TTC3: variants seen among roughly 807,000 people sequenced by gnomAD.
The protein encoded by TTC3 is E3 ubiquitin-protein ligase TTC3.
A neutral mutation model predicts 249.6 loss-of-function variants in TTC3; 180 were observed. The observed-to-expected ratio is 0.72, with a 90% CI of 0.64 to 0.82. The LOEUF (loss-of-function observed/expected upper bound fraction) is 0.82, where lower values mean the gene tolerates loss of function less well. TTC3 is among the 40% of genes least tolerant of loss of function. TTC3 has a pLI of 0.00. For synonymous variants in TTC3, 717 were observed against 805.0 expected (o/e 0.89, Z 1.85); for missense variants, 2,061 against 2,398.4 (o/e 0.86, Z 2.94).
At chr21:37,102,736 C>T (rs895561972) in intron 10 of TTC3, among the ~76,000 whole-genome samples, 2 of 152,304 alleles carry the variant, frequency 1.3e-5, no homozygotes, top group Admixed American at 1.3e-4. Flanking sequence ...GTGGCTCGTG[C>T]CTGTAATCCC....
intron 38 of TTC3, chr21:37,188,198 C>G (rs1010546587): frequency 2.4e-5 from 6 of 254,096 alleles, no homozygotes; most frequent in Non-Finnish European, 4.7e-5. Flanking sequence ...CACTCGTGTA[C>G]ACATGCAGTT....
chr21:37,166,407 A>T, exon 33 of TTC3: 1 of 1,614,226 alleles, frequency 6.2e-7, no homozygotes, highest in Non-Finnish European at 8.5e-7. Flanking sequence ...GTTGCTGGTC[A>T]CCAGATTGCC....
intron 1 of TTC3, among the ~76,000 whole-genome samples, chr21:37,076,328 C>T (rs2070854265): frequency 6.6e-6 from 1 of 152,104 alleles, no homozygotes; most frequent in Non-Finnish European, 1.5e-5. Flanking sequence ...TGTATGCATT[C>T]TTCTGTTAAT....
intron 10 of TTC3, among the ~76,000 whole-genome samples, chr21:37,105,024 T>A (rs907547184): frequency 6.6e-6 from 1 of 152,160 alleles, no homozygotes; most frequent in Non-Finnish European, 1.5e-5. Context: ...CCCAGGAGAT[T>A]ATTAAGATGT....
intron 11 of TTC3, among the ~76,000 whole-genome samples, chr21:37,109,930 T>C (rs1413374567): frequency 6.6e-6 from 1 of 152,212 alleles, no homozygotes; most frequent in Non-Finnish European, 1.5e-5. Context: ...CAGCCACTGC[T>C]GCTGATACCC....
chr21:37,073,610 C>A, intron 1 of TTC3, 137 bp downstream of exon 1: 1 of 591,048 alleles, frequency 1.7e-6, no homozygotes, highest in Non-Finnish European at 2.1e-6. Context: ...TGGTCTGGTG[C>A]CCCTTCGCGA....
chr21:37,124,168 T>G (rs971990507), intron 13 of TTC3, among the ~76,000 whole-genome samples: 2 of 125,094 alleles, frequency 1.6e-5, no homozygotes, highest in Admixed American at 1.0e-4. Flanking sequence ...TAGGCTGGAG[T>G]GCAGTGGCAC....
exon 35 of TTC3, chr21:37,172,646 C>G: frequency 1.2e-6 from 2 of 1,613,936 alleles, no homozygotes; most frequent in Non-Finnish European, 1.7e-6. Context: ...AGACCAACTT[C>G]AAGAAGTGTA....
intron 4 of TTC3, among the ~76,000 whole-genome samples, chr21:37,088,592 T>TTC (rs2072835817): frequency 3.3e-5 from 5 of 151,870 alleles, no homozygotes; most frequent in African/African-American, 1.2e-4. Context: ...TTAACATGGG[T>TTC]GTTTATAAGT....
chr21:37,196,062 G>A (rs780046293), intron 42 of TTC3, 26 bp downstream of exon 42: 9 of 1,611,284 alleles, frequency 5.6e-6, no homozygotes, highest in Non-Finnish European at 6.8e-6. Flanking sequence ...GTCTGTGACT[G>A]TGTTTAATAC....
chr21:37,128,950 G>C, intron 15 of TTC3, 53 bp from the exon 16 acceptor site: 2 of 1,352,578 alleles, frequency 1.5e-6, no homozygotes, highest in East Asian at 2.5e-5. Context: ...TTACTCTCAG[G>C]CTTGTAGATT....
chr21:37,084,761 G>A (rs1056475873), intron 1 of TTC3, among the ~76,000 whole-genome samples: 2 of 152,190 alleles, frequency 1.3e-5, no homozygotes, highest in Admixed American at 6.5e-5. Context: ...TTGGGAGGCC[G>A]AGGCGGGCGG....
rs763963274 is a variant in TTC3, at chr21:37,132,796, G to A, written c.1443+30G>A. The A allele has an allele frequency of 2.6e-6, 4 of 1,539,816 alleles. No individual in the cohort carries two copies. In the African/African-American group the frequency reaches 5.6e-5, roughly 21 times the overall value. On this transcript the variant is annotated intron_variant, in intron 17 of 45. Transcript: ENST00000355666. ...TGGAGAAGCTTTTCCAATGGAAAAA[G>A]CAAAACTCTTTGAACAAAACATTGT...
At chr21:37,197,616 A>T in exon 43 of TTC3, 1 of 1,612,196 alleles carries the variant, frequency 6.2e-7, no homozygotes, top group Non-Finnish European at 8.5e-7. Flanking sequence ...CAAAAACAAG[A>T]ACTCACTCTC....
intron 11 of TTC3, among the ~76,000 whole-genome samples, chr21:37,110,486 A>C (rs2043711188): frequency 6.6e-6 from 1 of 152,234 alleles, no homozygotes; most frequent in African/African-American, 2.4e-5. Flanking sequence ...AATGAAATGA[A>C]GCATGAAGAT....
At chr21:37,081,734 A>G (rs531985636) in intron 1 of TTC3, 1 of 152,232 alleles carries the variant, frequency 6.6e-6, no homozygotes, top group African/African-American at 2.4e-5. Flanking sequence ...TCTCTTTACC[A>G]GAATTTACAG....
At chr21:37,198,928 A>G (rs748189727) in intron 44 of TTC3, among the ~76,000 whole-genome samples, 2 of 152,110 alleles carry the variant, frequency 1.3e-5, no homozygotes, top group Non-Finnish European at 2.9e-5. Flanking sequence ...GGAAATAGAA[A>G]ACGGTCAAGT....
At chr21:37,150,236 T>C in intron 24 of TTC3, 66 bp downstream of exon 24, 3 of 1,142,130 alleles carry the variant, frequency 2.6e-6, no homozygotes, top group South Asian at 2.7e-5. Context: ...TGAAACATGA[T>C]TTGAATTTGT....
chr21:37,201,307 A>T (rs778952535), intron 45 of TTC3, 133 bp from the exon 46 acceptor site: 50 of 1,087,308 alleles, frequency 4.6e-5, no homozygotes, highest in Non-Finnish European at 6.3e-5. Context: ...GGTGTCCCTG[A>T]GTATTGGGCA....
Sources: gnomAD v4.1 joint callset for allele counts (sites outside exome capture counted in the v4.1 genomes callset) on GRCh38, gnomAD v4.1.1 for gene constraint, MANE v1.5 for transcripts, NCBI Gene and HGNC (gene_info 2026-07-23, HGNC 2026-07-21) for gene names.